Variants in CNTN5 observed in about 807,000 individuals in gnomAD.
The protein encoded by CNTN5 is contactin-5.
A neutral mutation model predicts 129.1 loss-of-function variants in CNTN5; 77 were observed. That is an observed-to-expected ratio of 0.60 (90% CI 0.50 to 0.72). CNTN5 has a LOEUF of 0.72. Among genes scored for constraint, CNTN5 ranks in the 30% least tolerant of loss-of-function variants. The pLI, the probability that CNTN5 is intolerant of heterozygous loss-of-function variation, is 0.00. For synonymous variants in CNTN5, 509 were observed against 465.6 expected, an observed-to-expected ratio of 1.09 and a Z score of -1.20; for missense variants, 1,478 against 1,328.8, an observed-to-expected ratio of 1.11 and a Z score of -1.75.
intron 16 of CNTN5, among the ~76,000 whole-genome samples, chr11:100,226,044 A>C (rs1482107591): frequency 6.6e-6 from 1 of 152,068 alleles, no homozygotes; most frequent in Non-Finnish European, 1.5e-5. Context: ...TCTGTTCAGA[A>C]GGCTACTTGA....
At chr11:99,984,887 T>A (rs1157849889) in intron 8 of CNTN5, among the ~76,000 whole-genome samples, 1 of 152,188 alleles carries the variant, frequency 6.6e-6, no homozygotes, top group Non-Finnish European at 1.5e-5. Flanking sequence ...GCGCCCCGTT[T>A]ACTCGGCCCA....
rs769483827 is a variant in CNTN5, at chr11:99,245,861, A to G, written c.-209-79485A>G. 3.3e-5 allele frequency among the ~76,000 whole-genome samples: 5 copies of G among 152,302 alleles called. No individual in the cohort carries two copies. The South Asian group carries it at 1.0e-3, about 32-fold the overall frequency. ...GCAATATTCCAGACCTCTATTAACT[A>G]GATGACAGTAGCGTCCCTCAAGTTG... On this transcript the variant is annotated intron_variant, in intron 1 of 24. Coordinates refer to ENST00000524871, the MANE Select transcript of CNTN5 (RefSeq NM_014361.4).
At chr11:99,174,421 G>T (rs561765213) in intron 1 of CNTN5, among the ~76,000 whole-genome samples, 1 of 152,266 alleles carries the variant, frequency 6.6e-6, no homozygotes, top group African/African-American at 2.4e-5. Context: ...AACTTAGTGA[G>T]CTCAACATGG....
chr11:99,840,400 CTT>C (rs1001501724), intron 4 of CNTN5, among the ~76,000 whole-genome samples: 1 of 151,912 alleles, frequency 6.6e-6, no homozygotes, highest in African/African-American at 2.4e-5. Flanking sequence ...GAATAAGAAA[CTT>C]TGTAAAATAT....
rs558554933 is a variant in CNTN5 at position 99,279,616 on chromosome 11, T to C, written c.-209-45730T>C. On this transcript the variant is annotated intron_variant, in intron 1 of 24. Coordinates refer to ENST00000524871, the MANE Select transcript of CNTN5 (RefSeq NM_014361.4). ...GAACTGCATTGGACTGATATGGTTGTCATTAAACCATTCCATCATGTAGTA... is the reference window on the plus strand; with the variant it reads ...GAACTGCATTGGACTGATATGGTTGCCATTAAACCATTCCATCATGTAGTA... Among the ~76,000 whole-genome samples, 8 of 151,892 alleles carry C rather than the reference T, an allele frequency of 5.3e-5. No homozygotes were observed. The South Asian group carries it at 1.2e-3, about 24-fold the overall frequency.
chr11:99,437,971 G>T (rs1168895639), intron 2 of CNTN5, among the ~76,000 whole-genome samples: 1 of 151,462 alleles, frequency 6.6e-6, no homozygotes, highest in African/African-American at 2.4e-5. Flanking sequence ...TTCTAGATGA[G>T]ATTCTGTTCC....
intron 2 of CNTN5, among the ~76,000 whole-genome samples, chr11:99,465,894 T>TG (rs1554995295): frequency 6.8e-6 from 1 of 147,820 alleles, no homozygotes; most frequent in Non-Finnish European, 1.5e-5. Context: ...TTTTTTTTTT[T>TG]CCTTTGAGAC....
intron 8 of CNTN5, among the ~76,000 whole-genome samples, chr11:99,997,378 T>A (rs1333061418): frequency 6.6e-6 from 1 of 152,194 alleles, no homozygotes; most frequent in Non-Finnish European, 1.5e-5. Context: ...TACAAACACC[T>A]CTATGCAAAT....
intron 13 of CNTN5, among the ~76,000 whole-genome samples, chr11:100,171,050 T>C (rs1252622882): frequency 6.6e-6 from 1 of 152,024 alleles, no homozygotes; most frequent in Non-Finnish European, 1.5e-5. Context: ...TGACTGCCAC[T>C]GTATTTTACA....
intron 1 of CNTN5, among the ~76,000 whole-genome samples, chr11:99,301,463 A>T (rs1228943021): frequency 6.6e-6 from 1 of 151,786 alleles, no homozygotes; most frequent in African/African-American, 2.4e-5. Flanking sequence ...AGACTGAATT[A>T]ATTATAAGAC....
intron 3 of CNTN5, among the ~76,000 whole-genome samples, chr11:99,778,269 C>G (rs1265649158): frequency 6.6e-6 from 1 of 151,674 alleles, no homozygotes; most frequent in South Asian, 2.1e-4. Context: ...GTTCAGCTGA[C>G]TCTATTAAAG....
At chr11:99,496,432 A>T (rs1281414402) in intron 2 of CNTN5, among the ~76,000 whole-genome samples, 1 of 152,138 alleles carries the variant, frequency 6.6e-6, no homozygotes, top group Non-Finnish European at 1.5e-5. Flanking sequence ...TAAGGAGAAG[A>T]ATGTTTTTCA....
rs7122229 is a variant in CNTN5, at chr11:99,924,033, G to A, written c.673+7884G>A. Among the ~76,000 whole-genome samples, 253 of 152,170 alleles carry A rather than the reference G, an allele frequency of 1.7e-3. 1 individual carries two copies. Among genetic ancestry groups the A allele is most frequent in the African/African-American group, 4.8e-3 (200 of 41,524 alleles). On this transcript the variant is annotated intron_variant, in intron 7 of 24. Transcript: ENST00000524871. ...CCTCAATCTCCTGACCTCATGGTCC[G>A]CCGGCTTCTGCGTCCCAAAGTGCTG...
At chr11:100,301,318 A>G (rs77293644) in intron 20 of CNTN5, among the ~76,000 whole-genome samples, 8,923 of 151,620 alleles carry the variant, frequency 0.059, 358 homozygotes, top group East Asian at 0.23. Flanking sequence ...TTCTTTGTCA[A>G]TCTTTGCTTT....
chr11:99,067,781 T>A (rs1246939316), intron 1 of CNTN5, among the ~76,000 whole-genome samples: 2 of 152,172 alleles, frequency 1.3e-5, no homozygotes, highest in Non-Finnish European at 2.9e-5. Flanking sequence ...TATGACTCAT[T>A]TATTAATTTA....
At chr11:100,026,474 A>G (rs1170169951) in intron 9 of CNTN5, among the ~76,000 whole-genome samples, 3 of 152,124 alleles carry the variant, frequency 2.0e-5, no homozygotes, top group Non-Finnish European at 2.9e-5. Context: ...TGATTTCCAA[A>G]ATGACTGTAC....
intron 9 of CNTN5, among the ~76,000 whole-genome samples, chr11:100,034,964 C>CT (rs557718077): frequency 1.8e-4 from 28 of 151,672 alleles, no homozygotes; most frequent in South Asian, 4.2e-4. Context: ...CTTTCTGTAT[C>CT]TTTTTTTTTA....
chr11:99,930,166 A>T (rs1376215850), intron 7 of CNTN5, among the ~76,000 whole-genome samples: 1 of 152,100 alleles, frequency 6.6e-6, no homozygotes, highest in Non-Finnish European at 1.5e-5. Context: ...GTGCTCTCTT[A>T]GAGCAGTTTT....
intron 8 of CNTN5, among the ~76,000 whole-genome samples, chr11:99,983,735 T>C (rs1309950175): frequency 6.6e-6 from 1 of 152,174 alleles, no homozygotes; most frequent in African/African-American, 2.4e-5. Context: ...AGTTTTATTA[T>C]GATGAGTGGG....
Sources: allele counts gnomAD v4.1 joint callset (sites outside exome capture counted in the v4.1 genomes callset), GRCh38; gene constraint gnomAD v4.1.1; transcripts MANE v1.5; gene names NCBI Gene and HGNC (gene_info 2026-07-23, HGNC 2026-07-21).